CCDC178: variants seen among roughly 807,000 people sequenced by gnomAD.
CCDC178 encodes the protein coiled-coil domain-containing protein 178.
Under a neutral mutation model 117.4 loss-of-function variants are expected in CCDC178, and 126 were observed. The observed-to-expected ratio is 1.07, with a 90% confidence interval of 0.93 to 1.24. The LOEUF is 1.24. CCDC178 is among the 50% of genes most tolerant of loss of function. The pLI is 0.00. For missense variants in CCDC178, 1,030 were observed against 986.9 expected (o/e 1.04, Z -0.59); for synonymous variants, 283 against 313.4 (o/e 0.90, Z 1.02).
intron 21 of CCDC178, among the ~76,000 whole-genome samples, chr18:32,997,028 CT>C (rs1173509247): frequency 1.3e-5 from 2 of 152,070 alleles, no homozygotes; most frequent in African/African-American, 4.8e-5. Context: ...CACCCTCCCC[CT>C]CATACCAATT....
chr18:33,004,451 G>A (rs1347755474), intron 21 of CCDC178, among the ~76,000 whole-genome samples: 1 of 152,002 alleles, frequency 6.6e-6, no homozygotes, highest in Non-Finnish European at 1.5e-5. Context: ...AATGAAACAA[G>A]ACCCTTATCT....
chr18:33,396,409 C>T (rs934761158), intron 4 of CCDC178, among the ~76,000 whole-genome samples: 24 of 152,018 alleles, frequency 1.6e-4, no homozygotes, highest in Admixed American at 2.0e-4. Flanking sequence ...ATAATGTCAA[C>T]GATAGATATA....
Position 33,204,737 on chromosome 18 carries a change from G to C in CCDC178, c.2238+7159C>G, listed in dbSNP as rs544542992. Among the ~76,000 whole-genome samples the C allele has an allele frequency of 5.3e-5, 8 of 152,132 alleles. No homozygotes were observed. The East Asian group carries it at 1.5e-3, about 29-fold the overall frequency. ...ATATTAAAATCACTGAAGTGGGAGA[G>C]GTTATAGTTAAAAGAATTCTTAACA... On this transcript the variant is annotated intron_variant, in intron 20 of 22. Transcript: ENST00000383096.
intron 2 of CCDC178, among the ~76,000 whole-genome samples, chr18:33,431,111 T>C (rs2064212344): frequency 6.9e-6 from 1 of 143,926 alleles, no homozygotes; most frequent in African/African-American, 2.5e-5. Context: ...GCAACAATAA[T>C]GGAAATGGCT....
intron 12 of CCDC178, among the ~76,000 whole-genome samples, chr18:33,276,417 A>G (rs1404904994): frequency 6.6e-6 from 1 of 152,096 alleles, no homozygotes; most frequent in Non-Finnish European, 1.5e-5. Flanking sequence ...TGGCAGTTGG[A>G]TTCAGAGTTG....
rs557552143 is a variant in CCDC178 at position 33,424,092 on chromosome 18, C to A, written c.-22-11982G>T. ...CATTAGCCATTTTTCCCTCCTTTAT[C>A]TTTTCCAGTAAATAGTGCAAATATA... On this transcript the variant is annotated intron_variant, in intron 2 of 22. Coordinates refer to ENST00000383096, the MANE Select transcript of CCDC178 (RefSeq NM_001105528.4). Among the ~76,000 whole-genome samples, 221 of 152,158 alleles carry A rather than the reference C, an allele frequency of 1.5e-3. 1 individual carries two copies. The highest frequency in any genetic ancestry group is 2.5e-3 in the Admixed American group (38 of 15,286).
chr18:33,257,571 G>C (rs906084140), intron 14 of CCDC178, among the ~76,000 whole-genome samples: 5 of 152,180 alleles, frequency 3.3e-5, no homozygotes, highest in South Asian at 2.1e-4. Context: ...TGACCCCTGA[G>C]AATTTCCTTT....
chr18:33,073,545 ATC>A (rs372331712), intron 21 of CCDC178, among the ~76,000 whole-genome samples: 5,336 of 148,308 alleles, frequency 0.036, 124 homozygotes, highest in East Asian at 0.075. Flanking sequence ...CTATCTATCT[ATC>A]TATCTATATA....
In CCDC178 at chr18:33,388,620, C is replaced by T. The variant is rs557487173; in HGVS notation, c.208+920G>A. 3.9e-3 allele frequency among the ~76,000 whole-genome samples: 552 copies of T among 141,980 alleles called. 1 individual carries two copies. The highest frequency in any genetic ancestry group is 7.0e-3 in the Middle Eastern group (2 of 286). The allele number at this position is 141,980 out of a possible 152,430, so 93.1% of individuals were successfully genotyped here. ...CTGCAAGCTCCGCCTCCCGGGTTCA[C>T]GCCATTCTCCTGCCTCAGCCTCCCA... On this transcript the variant is annotated intron_variant, in intron 5 of 22. Coordinates refer to ENST00000383096, the MANE Select transcript of CCDC178 (RefSeq NM_001105528.4).
At chr18:33,326,350 G>A (rs1459159268) in intron 10 of CCDC178, among the ~76,000 whole-genome samples, 1 of 152,136 alleles carries the variant, frequency 6.6e-6, no homozygotes, top group Non-Finnish European at 1.5e-5. Flanking sequence ...GAGGGCCCAG[G>A]AAGGGGTTGG....
intron 20 of CCDC178, among the ~76,000 whole-genome samples, chr18:33,113,980 C>T (rs1275019034): frequency 6.6e-6 from 1 of 151,794 alleles, no homozygotes; most frequent in Non-Finnish European, 1.5e-5. Flanking sequence ...ATGAAATAGC[C>T]AGCATTATTA....
At chr18:32,939,442 A>T (rs1311013437) in intron 22 of CCDC178, among the ~76,000 whole-genome samples, 2 of 152,176 alleles carry the variant, frequency 1.3e-5, no homozygotes, top group East Asian at 3.8e-4. Context: ...GTCAAGTTAT[A>T]TAAGAAGTCC....
chr18:33,026,079 A>G (rs1296787409), intron 21 of CCDC178, among the ~76,000 whole-genome samples: 2 of 152,180 alleles, frequency 1.3e-5, no homozygotes, highest in Non-Finnish European at 2.9e-5. Flanking sequence ...ATTTACCTGG[A>G]TAAAATTCTA....
At chr18:33,360,559 A>G (rs917117184) in intron 6 of CCDC178, among the ~76,000 whole-genome samples, 2 of 151,588 alleles carry the variant, frequency 1.3e-5, no homozygotes, top group Non-Finnish European at 3.0e-5. Flanking sequence ...TTGAAAATGA[A>G]AAAAGGAAAA....
chr18:33,074,568 T>C (rs2057171054), intron 21 of CCDC178, among the ~76,000 whole-genome samples: 1 of 152,164 alleles, frequency 6.6e-6, no homozygotes, highest in African/African-American at 2.4e-5. Context: ...ATTCCAACAT[T>C]TGGAAGCTGA....
At chr18:33,347,503 C>T (rs2062912987) in intron 8 of CCDC178, among the ~76,000 whole-genome samples, 1 of 152,144 alleles carries the variant, frequency 6.6e-6, no homozygotes, top group Non-Finnish European at 1.5e-5. Flanking sequence ...TTTCTCTACA[C>T]TGGTCCTTTA....
intron 11 of CCDC178, among the ~76,000 whole-genome samples, chr18:33,303,172 C>A (rs1599131214): frequency 6.6e-6 from 1 of 152,014 alleles, no homozygotes; most frequent in East Asian, 1.9e-4. Context: ...AAAGAAATAA[C>A]CTATCAAGCC....
At chr18:33,011,868 A>T (rs2055878872) in intron 21 of CCDC178, among the ~76,000 whole-genome samples, 1 of 139,670 alleles carries the variant, frequency 7.2e-6, no homozygotes, top group African/African-American at 2.6e-5. Context: ...CCTGTTGGAG[A>T]TGATGGTTAC....
At chr18:33,211,109 T>C (rs1434076868) in intron 20 of CCDC178, among the ~76,000 whole-genome samples, 6 of 151,730 alleles carry the variant, frequency 4.0e-5, no homozygotes, top group Admixed American at 4.0e-4. Context: ...TATATAAATA[T>C]GAAGATCAAA....
Sources: gnomAD v4.1 joint callset for allele counts (sites outside exome capture counted in the v4.1 genomes callset) on GRCh38, gnomAD v4.1.1 for gene constraint, MANE v1.5 for transcripts, NCBI Gene and HGNC (gene_info 2026-07-23, HGNC 2026-07-21) for gene names.